The following FSHR variants were observed in gnomAD, a reference collection of about 807,000 sequenced individuals.
FSHR encodes follicle stimulating hormone receptor, also known as follicle-stimulating hormone receptor.
Under a neutral mutation model 52.1 loss-of-function variants are expected in FSHR, and 46 were observed. The ratio of observed to expected loss-of-function variants is 0.88; its 90% CI spans 0.70 to 1.13. The LOEUF (loss-of-function observed/expected upper bound fraction) is 1.13. Among genes scored for constraint, FSHR ranks in the 50% most tolerant of loss-of-function variants. FSHR has a pLI of 0.00. For missense variants in FSHR, 964 were observed against 834.6 expected, an observed-to-expected ratio of 1.16 and a Z score of -1.91; for synonymous variants, 399 against 309.6, an observed-to-expected ratio of 1.29 and a Z score of -3.03.
At chr2:49,150,459 C>T (rs899155447) in intron 1 of FSHR, among the ~76,000 whole-genome samples, 3 of 152,086 alleles carry the variant, frequency 2.0e-5, no homozygotes, top group Admixed American at 6.6e-5. Flanking sequence ...TTGAGAGCAA[C>T]ATTATTATCA....
chr2:48,987,441 A>T (rs1675561159), intron 6 of FSHR, among the ~76,000 whole-genome samples: 1 of 151,654 alleles, frequency 6.6e-6, no homozygotes, highest in Non-Finnish European at 1.5e-5. Context: ...CAATCTCCTG[A>T]CCTCGTGATC....
At chr2:49,088,127 C>A (rs894324788) in intron 1 of FSHR, among the ~76,000 whole-genome samples, 1 of 152,122 alleles carries the variant, frequency 6.6e-6, no homozygotes, top group Non-Finnish European at 1.5e-5. Flanking sequence ...TAGAAAGTGG[C>A]AGATGTAGTT....
intron 1 of FSHR, among the ~76,000 whole-genome samples, chr2:49,132,968 TAAAAAAAAAAAAAAA>T (rs34913428): frequency 4.1e-5 from 2 of 48,650 alleles, no homozygotes; most frequent in African/African-American, 1.7e-4. Context: ...TAAAACTCAG[TAAAAAAAAAAAAAAA>T]AAAAAAAAAA....
intron 4 of FSHR, among the ~76,000 whole-genome samples, chr2:49,003,066 A>G (rs1217319765): frequency 1.3e-5 from 2 of 152,120 alleles, no homozygotes; most frequent in African/African-American, 2.4e-5. Context: ...TGCCTCTTGA[A>G]CTAGATGTTA....
intron 1 of FSHR, among the ~76,000 whole-genome samples, chr2:49,101,200 G>A (rs1348395516): frequency 6.6e-6 from 1 of 152,166 alleles, no homozygotes; most frequent in Non-Finnish European, 1.5e-5. Context: ...AATTTTGGAT[G>A]AACCAGGGAA....
intron 1 of FSHR, among the ~76,000 whole-genome samples, chr2:49,114,009 A>T (rs998095140): frequency 6.6e-6 from 1 of 152,144 alleles, no homozygotes; most frequent in Non-Finnish European, 1.5e-5. Context: ...TCATTTTTCC[A>T]GCTTCCAGGT....
chr2:49,090,652 A>G (rs1279612088), intron 1 of FSHR, among the ~76,000 whole-genome samples: 1 of 152,228 alleles, frequency 6.6e-6, no homozygotes, highest in Non-Finnish European at 1.5e-5. Flanking sequence ...TTACTGGGTC[A>G]CATGATAAAT....
chr2:49,043,760 C>T (rs992251991), intron 2 of FSHR, among the ~76,000 whole-genome samples: 1 of 152,122 alleles, frequency 6.6e-6, no homozygotes, highest in African/African-American at 2.4e-5. Context: ...CAGTGGGAGC[C>T]CACTGTGCAT....
At chr2:49,002,603 C>G (rs72875976) in intron 4 of FSHR, among the ~76,000 whole-genome samples, 2,782 of 152,164 alleles carry the variant, frequency 0.018, 98 homozygotes, top group African/African-American at 0.063. Flanking sequence ...ATAATACCAT[C>G]AGATATTGTG....
intron 1 of FSHR, among the ~76,000 whole-genome samples, chr2:49,110,794 G>A (rs956346484): frequency 6.6e-6 from 1 of 152,124 alleles, no homozygotes; most frequent in African/African-American, 2.4e-5. Context: ...CAGCCCCCTT[G>A]TTCCTGCTGG....
chr2:49,076,618 A>C (rs1316687357), intron 1 of FSHR, among the ~76,000 whole-genome samples: 1 of 152,176 alleles, frequency 6.6e-6, no homozygotes, highest in East Asian at 1.9e-4. Context: ...CAAAAGTCTT[A>C]ACTCATTTCA....
chr2:48,987,201 A>T (rs1675551230), intron 6 of FSHR, among the ~76,000 whole-genome samples: 1 of 151,488 alleles, frequency 6.6e-6, no homozygotes. Context: ...TATTTATTTT[A>T]TTTTATTATT....
intron 1 of FSHR, among the ~76,000 whole-genome samples, chr2:49,084,432 G>A (rs1166743351): frequency 3.9e-5 from 6 of 152,016 alleles, no homozygotes; most frequent in South Asian, 2.1e-4. Flanking sequence ...CACAATTAAA[G>A]GAACTAGAAA....
chr2:49,050,680 G>A (rs558590849), intron 2 of FSHR, among the ~76,000 whole-genome samples: 1 of 152,272 alleles, frequency 6.6e-6, no homozygotes, highest in Admixed American at 6.5e-5. Context: ...TCTATACAGT[G>A]TGAGTTAACT....
At chr2:49,115,536 G>T (rs932890607) in intron 1 of FSHR, among the ~76,000 whole-genome samples, 2 of 152,174 alleles carry the variant, frequency 1.3e-5, no homozygotes, top group African/African-American at 4.8e-5. Flanking sequence ...GGAGGAAACT[G>T]TAAGGAAAAG....
intron 2 of FSHR, among the ~76,000 whole-genome samples, chr2:49,032,450 T>C (rs754919749): frequency 1.3e-5 from 2 of 152,190 alleles, no homozygotes; most frequent in Non-Finnish European, 2.9e-5. Flanking sequence ...CTCAAATTCC[T>C]TTGCAGTCCT....
intron 1 of FSHR, among the ~76,000 whole-genome samples, chr2:49,145,118 A>T (rs1672822604): frequency 6.6e-6 from 1 of 152,124 alleles, no homozygotes. Context: ...GGCATAAAAT[A>T]GTATTTATCA....
At chr2:49,044,385 T>C (rs1392492926) in intron 2 of FSHR, among the ~76,000 whole-genome samples, 1 of 152,214 alleles carries the variant, frequency 6.6e-6, no homozygotes, top group African/African-American at 2.4e-5. Context: ...ATTGGAGGCA[T>C]AACCTTGTTC....
intron 2 of FSHR, among the ~76,000 whole-genome samples, chr2:49,041,572 C>A (rs1668480936): frequency 6.6e-6 from 1 of 152,110 alleles, no homozygotes; most frequent in Non-Finnish European, 1.5e-5. Context: ...GATTGATGGT[C>A]CTAGAGGATT....
Sources: gnomAD v4.1 joint callset for allele counts (sites outside exome capture counted in the v4.1 genomes callset) on GRCh38, gnomAD v4.1.1 for gene constraint, MANE v1.5 for transcripts, NCBI Gene and HGNC (gene_info 2026-07-23, HGNC 2026-07-21) for gene names.